Variants in EPHA6 observed in about 807,000 individuals in gnomAD.
EPHA6 encodes EPH receptor A6.
A neutral mutation model predicts 112.0 loss-of-function variants in EPHA6; 50 were observed. That is an observed-to-expected ratio of 0.45 (90% CI 0.36 to 0.56). The LOEUF is 0.56. Ranked by LOEUF, EPHA6 falls within the 20% of genes least tolerant of loss-of-function variation. The pLI, the probability that EPHA6 is intolerant of heterozygous loss-of-function variation, is 0.00. For missense variants in EPHA6, 1,280 were observed against 1,417.4 expected (o/e 0.90, Z 1.56); for synonymous variants, 529 against 490.7 (o/e 1.08, Z -1.03).
rs534636820 is a variant in EPHA6, at chr3:96,919,652, C to T, written c.450+52763C>T. Among the ~76,000 whole-genome samples the T allele has an allele frequency of 1.2e-3, 176 of 151,938 alleles. 1 individual carries two copies. Among genetic ancestry groups the T allele is most frequent in the African/African-American group, 4.0e-3 (167 of 41,538 alleles). ...AGGTATCGGATACTATTTAAAGTTTCATAGATATAGAAATCTATGCCTTTG... is the reference window on the plus strand; with the variant it reads ...AGGTATCGGATACTATTTAAAGTTTTATAGATATAGAAATCTATGCCTTTG... On this transcript the variant is annotated intron_variant, in intron 2 of 17. Transcript: ENST00000389672.
chr3:96,912,688 A>G (rs2039278248), intron 2 of EPHA6, among the ~76,000 whole-genome samples: 1 of 152,098 alleles, frequency 6.6e-6, no homozygotes, highest in African/African-American at 2.4e-5. Flanking sequence ...CCTGGGTTTA[A>G]GCAGTCTTCC....
chr3:96,925,978 T>A (rs1324330125), intron 2 of EPHA6, among the ~76,000 whole-genome samples: 2 of 152,188 alleles, frequency 1.3e-5, no homozygotes, highest in Non-Finnish European at 2.9e-5. Context: ...TGGTTATTTC[T>A]TGTTTTCTAC....
In EPHA6 at chr3:97,448,445, C is replaced by G. The variant is rs2090422009; in HGVS notation, c.1732-123C>G. The G allele has an allele frequency of 3.0e-6, 3 of 1,009,612 alleles. No homozygotes were observed. In the East Asian group the frequency reaches 7.5e-5, roughly 25 times the overall value. 62.5% of individuals were successfully genotyped at this position (1,009,612 alleles called of 1,614,324 possible). ...CAAATTATGGAAAACCATGCTAACA[C>G]TACTTTGTAATCAATACTTTTGGTA... On this transcript the variant is annotated intron_variant, in intron 6 of 17. Coordinates refer to ENST00000389672, the MANE Select transcript of EPHA6 (RefSeq NM_001080448.3).
At chr3:97,084,945 T>A (rs2046847702) in intron 3 of EPHA6, among the ~76,000 whole-genome samples, 1 of 152,072 alleles carries the variant, frequency 6.6e-6, no homozygotes, top group South Asian at 2.1e-4. Flanking sequence ...TTTGAAAAGG[T>A]CTTAGAATTT....
chr3:96,923,617 A>G (rs1192044654), intron 2 of EPHA6, among the ~76,000 whole-genome samples: 3 of 152,004 alleles, frequency 2.0e-5, no homozygotes, highest in Admixed American at 6.6e-5. Flanking sequence ...TTCTTTTGCC[A>G]TGCAGAAGCT....
chr3:97,081,832 A>T (rs1362614191), intron 3 of EPHA6, among the ~76,000 whole-genome samples: 1 of 151,402 alleles, frequency 6.6e-6, no homozygotes, highest in Non-Finnish European at 1.5e-5. Flanking sequence ...TTATATTTTT[A>T]AAATAATGTT....
intron 2 of EPHA6, among the ~76,000 whole-genome samples, chr3:96,934,323 T>C (rs1287531395): frequency 6.6e-6 from 1 of 151,810 alleles, no homozygotes; most frequent in Non-Finnish European, 1.5e-5. Flanking sequence ...GTTTATTCTT[T>C]ATGATCCATT....
intron 5 of EPHA6, among the ~76,000 whole-genome samples, chr3:97,310,332 A>G (rs996008068): frequency 1.3e-5 from 2 of 151,634 alleles, no homozygotes; most frequent in African/African-American, 4.8e-5. Context: ...AGCCATTTCA[A>G]TTTGGAAAAG....
intron 5 of EPHA6, among the ~76,000 whole-genome samples, chr3:97,245,925 CT>C (rs1231958978): frequency 6.6e-6 from 1 of 151,944 alleles, no homozygotes; most frequent in Non-Finnish European, 1.5e-5. Flanking sequence ...CATAAATTCA[CT>C]TTGCTGATAA....
At chr3:97,013,185 G>A (rs942060127) in intron 3 of EPHA6, among the ~76,000 whole-genome samples, 22 of 152,070 alleles carry the variant, frequency 1.4e-4, no homozygotes, top group African/African-American at 5.3e-4. Flanking sequence ...CCAGTATTCA[G>A]AATGGTATTT....
intron 5 of EPHA6, among the ~76,000 whole-genome samples, chr3:97,398,275 A>T (rs1418595747): frequency 2.6e-5 from 4 of 151,482 alleles, no homozygotes; most frequent in African/African-American, 7.2e-5. Context: ...GTATATATGA[A>T]AATGACATTT....
At chr3:97,736,891 G>C (rs1191429365) in intron 16 of EPHA6, among the ~76,000 whole-genome samples, 1 of 151,996 alleles carries the variant, frequency 6.6e-6, no homozygotes, top group African/African-American at 2.4e-5. Context: ...AATAACCAGT[G>C]CATATCCAAA....
intron 3 of EPHA6, among the ~76,000 whole-genome samples, chr3:97,049,234 G>A (rs1400151901): frequency 6.6e-6 from 1 of 152,072 alleles, no homozygotes; most frequent in African/African-American, 2.4e-5. Flanking sequence ...TAAGTGTTAT[G>A]GTCTGACTTG....
intron 5 of EPHA6, among the ~76,000 whole-genome samples, chr3:97,338,587 A>G (rs1342380180): frequency 3.3e-5 from 5 of 152,136 alleles, no homozygotes; most frequent in Non-Finnish European, 7.4e-5. Flanking sequence ...TGCCAACCCT[A>G]TTATAGCTGA....
chr3:97,477,730 T>C (rs16838761), intron 8 of EPHA6, among the ~76,000 whole-genome samples: 22,666 of 152,006 alleles, frequency 0.15, 2,209 homozygotes, highest in Admixed American at 0.25. Flanking sequence ...TCTATAACAT[T>C]AATGCTGCCC....
At chr3:96,900,089 A>G (rs996051037) in intron 2 of EPHA6, among the ~76,000 whole-genome samples, 5 of 152,156 alleles carry the variant, frequency 3.3e-5, no homozygotes, top group Admixed American at 3.3e-4. Flanking sequence ...ATTATTATTA[A>G]TTACCCTGGG....
At chr3:97,574,078 C>T (rs1225493469) in intron 11 of EPHA6, among the ~76,000 whole-genome samples, 3 of 152,038 alleles carry the variant, frequency 2.0e-5, no homozygotes, top group Non-Finnish European at 2.9e-5. Context: ...AGTCACTTTT[C>T]ACCTTCTTTC....
At chr3:97,299,568 A>G (rs1464632237) in intron 5 of EPHA6, among the ~76,000 whole-genome samples, 1 of 152,062 alleles carries the variant, frequency 6.6e-6, no homozygotes, top group Non-Finnish European at 1.5e-5. Context: ...ATTGTTGTTT[A>G]TTTTTATGTG....
intron 7 of EPHA6, among the ~76,000 whole-genome samples, chr3:97,470,391 A>T (rs1219892122): frequency 1.3e-5 from 2 of 151,768 alleles, no homozygotes; most frequent in East Asian, 3.9e-4. Context: ...ATTCATATTA[A>T]CTACTGTCTT....
Sources: allele counts gnomAD v4.1 joint callset (sites outside exome capture counted in the v4.1 genomes callset), GRCh38; gene constraint gnomAD v4.1.1; transcripts MANE v1.5; gene names NCBI Gene and HGNC (gene_info 2026-07-23, HGNC 2026-07-21).